TTYH3: variants seen among roughly 807,000 people sequenced by gnomAD.
The protein encoded by TTYH3 is protein tweety homolog 3.
In TTYH3, 23 loss-of-function variants were observed where a neutral mutation model predicts 68.2. That is an observed-to-expected ratio of 0.34 (90% CI 0.24 to 0.48). TTYH3 has a LOEUF of 0.48. Ranked by LOEUF, TTYH3 falls within the 20% of genes least tolerant of loss-of-function variation. TTYH3 has a pLI of 0.99. For missense variants in TTYH3, 768 were observed against 727.7 expected (o/e 1.06, Z -0.64); for synonymous variants, 360 against 332.8 (o/e 1.08, Z -0.89).
chr7:2,641,290 G>A (rs1217535766), intron 1 of TTYH3, among the ~76,000 whole-genome samples: 2 of 152,082 alleles, frequency 1.3e-5, no homozygotes, highest in Admixed American at 6.5e-5. Context: ...GGTTTTGGGG[G>A]CTGCATTTTG....
chr7:2,655,755 G>T (rs1474526052), intron 9 of TTYH3, among the ~76,000 whole-genome samples: 2 of 152,232 alleles, frequency 1.3e-5, no homozygotes, highest in Non-Finnish European at 2.9e-5. Flanking sequence ...CAAAAGCAGA[G>T]CAGGTCCGTG....
At chr7:2,660,545 G>C (rs965904550) in intron 13 of TTYH3, 1 of 985,104 alleles carries the variant, frequency 1.0e-6, no homozygotes, top group South Asian at 4.7e-5. Context: ...CGTCTGCCCC[G>C]TCCCGTCCAG....
At chr7:2,632,642 C>T (rs990656365) in intron 1 of TTYH3, among the ~76,000 whole-genome samples, 10 of 152,212 alleles carry the variant, frequency 6.6e-5, no homozygotes, top group Non-Finnish European at 1.0e-4. Flanking sequence ...TGGAGGGCCT[C>T]TCCACCATCA....
At position 2,658,455 on chromosome 7, in the gene TTYH3, T is replaced by C; in HGVS notation, c.1420T>C (p.Tyr474His). The change falls in exon 12 of 14, where the codon TAC (tyrosine) becomes CAC (histidine). Residue 474 changes from tyrosine (Y) to histidine (H), a missense_variant. Tyr to His is a moderately conservative substitution (Grantham distance 83, BLOSUM62 2). Transcript: ENST00000258796. ...HTVSNAPVTE[Y>H]MSQNANFQNP... ...CGTCAGCAACGCCCCGGTCACTGAGTACATGTGAGTTGACGTGGGCCTAGT... is the reference window on the plus strand; with the variant it reads ...CGTCAGCAACGCCCCGGTCACTGAGCACATGTGAGTTGACGTGGGCCTAGT... The C allele has an allele frequency of 6.2e-7, 1 of 1,608,656 alleles. No individual in the cohort carries two copies. The highest frequency in any genetic ancestry group is 8.5e-7 in the Non-Finnish European group (1 of 1,177,056).
At chr7:2,652,357 T>C in intron 8 of TTYH3, 115 bp downstream of exon 8, 1 of 900,906 alleles carries the variant, frequency 1.1e-6, no homozygotes, top group Non-Finnish European at 1.8e-6. Flanking sequence ...ACTGGGGAAC[T>C]GGGGGAGGGA....
intron 3 of TTYH3, 34 bp from the exon 4 acceptor site, chr7:2,647,383 GC>G: frequency 6.8e-7 from 1 of 1,463,518 alleles, no homozygotes; most frequent in Non-Finnish European, 9.0e-7. Flanking sequence ...CGAGGCGGGC[GC>G]GCTCCCAGCC....
At chr7:2,661,133 C>T (rs1032295775) in intron 13 of TTYH3, among the ~76,000 whole-genome samples, 9 of 152,306 alleles carry the variant, frequency 5.9e-5, no homozygotes, top group South Asian at 4.1e-4. Flanking sequence ...CCTTCCATGG[C>T]GTGAAGGGGC....
chr7:2,648,123 C>T (rs1583566331), intron 5 of TTYH3, 69 bp downstream of exon 5: 1 of 1,427,784 alleles, frequency 7.0e-7, no homozygotes, highest in Non-Finnish European at 9.6e-7. Context: ...CATGTTACCC[C>T]TTCCCCCACC....
chr7:2,639,993 T>C (rs933172010), intron 1 of TTYH3, among the ~76,000 whole-genome samples: 7 of 140 alleles, frequency 0.05, no homozygotes, highest in Non-Finnish European at 0.1. Context: ...GTGGTCACGC[T>C]GCCTGGCCTG....
intron 13 of TTYH3, chr7:2,660,120 C>G (rs1786452314): frequency 8.1e-7 from 1 of 1,232,422 alleles, no homozygotes; most frequent in Non-Finnish European, 1.1e-6. Context: ...CTGCCGCCCT[C>G]CCGTCGGCAC....
intron 7 of TTYH3, among the ~76,000 whole-genome samples, chr7:2,650,577 T>G (rs1230035519): frequency 2.0e-5 from 3 of 148,012 alleles, no homozygotes; most frequent in Non-Finnish European, 4.5e-5. Context: ...AAACTCCATC[T>G]CAAAAAAAAA....
At chr7:2,638,975 G>T (rs1785756036) in intron 1 of TTYH3, among the ~76,000 whole-genome samples, 1 of 152,112 alleles carries the variant, frequency 6.6e-6, no homozygotes, top group Non-Finnish European at 1.5e-5. Flanking sequence ...CCCCAAACAA[G>T]TCTGGGCCCT....
chr7:2,652,225 G>T lies in TTYH3; in HGVS notation c.910G>T (p.Ala304Ser). Residue 304 changes from alanine to serine, a missense_variant, in exon 8 of 14, where the codon GCC becomes TCC. Physicochemically the swap from Ala to Ser is moderately conservative, Grantham distance 99 (BLOSUM62 1). Transcript: ENST00000258796. ...QYYLACSPRA[A>S]NPFQQKLSGS... is the part of the protein sequence containing the mutation. ...CTACCTGGCCTGCTCGCCCCGCGCCGCCAACCCCTTCCAGCAGGTGAGAGC... is the reference window on the plus strand; with the variant it reads ...CTACCTGGCCTGCTCGCCCCGCGCCTCCAACCCCTTCCAGCAGGTGAGAGC... 6.2e-7 allele frequency: 1 copy of T among 1,612,584 alleles called. No homozygotes were observed.
In TTYH3 at chr7:2,661,820, C is replaced by G; in HGVS notation, c.*81C>G. 1.4e-6 allele frequency: 2 copies of G among 1,466,852 alleles called. No individual in the cohort carries two copies. The highest frequency in any genetic ancestry group is 1.9e-6 in the Non-Finnish European group (2 of 1,079,898). 90.9% of individuals were successfully genotyped at this position (1,466,852 alleles called of 1,614,324 possible). On this transcript the variant is annotated 3_prime_UTR_variant, in exon 14 of 14. Coordinates refer to ENST00000258796, the MANE Select transcript of TTYH3 (RefSeq NM_025250.3). The stretch of plus-strand genomic sequence containing the variant: ...CTGCCGCTTCCACCTGGGCCACCCA[C>G]CGGACCCTCGCACGCCGTGCCAGGC...
chr7:2,640,178 C>G (rs1392574290), intron 1 of TTYH3, among the ~76,000 whole-genome samples: 5 of 152,046 alleles, frequency 3.3e-5, no homozygotes, highest in African/African-American at 1.2e-4. Context: ...GTGGTGGGAT[C>G]GTGGCCACTG....
At chr7:2,651,028 T>TG (rs1440961539) in intron 7 of TTYH3, among the ~76,000 whole-genome samples, 1 of 108,192 alleles carries the variant, frequency 9.2e-6, no homozygotes, top group African/African-American at 3.6e-5. Flanking sequence ...GGTCTGGAGG[T>TG]GGGGGGCAGG....
chr7:2,659,041 TG>T (rs1339204194), intron 13 of TTYH3, 26 bp downstream of exon 13: 3 of 1,597,108 alleles, frequency 1.9e-6, no homozygotes, highest in South Asian at 1.1e-5. Context: ...GGAGGGTGGA[TG>T]GGGGGCTGCT....
intron 7 of TTYH3, among the ~76,000 whole-genome samples, chr7:2,650,777 A>T (rs1215722083): frequency 6.6e-6 from 1 of 151,870 alleles, no homozygotes; most frequent in Admixed American, 6.6e-5. Context: ...GGTCCCTTTC[A>T]AAGCTTCCTC....
In TTYH3 at chr7:2,631,994, G is replaced by A; in HGVS notation, c.-162G>A. On this transcript the variant is annotated 5_prime_UTR_variant, in exon 1 of 14. Transcript: ENST00000258796. ...CGGGCGCGGGCGGCCGAGCGGAGCC[G>A]AGCGCAGCCGAGCCGGGCCGAGCCG... The A allele has an allele frequency of 2.2e-6, 1 of 461,166 alleles. No homozygotes were observed. Among genetic ancestry groups the A allele is most frequent in the Non-Finnish European group, 2.9e-6 (1 of 349,304 alleles). 28.6% of individuals were successfully genotyped at this position (461,166 alleles called of 1,614,324 possible).
Sources: gnomAD v4.1 joint callset for allele counts (sites outside exome capture counted in the v4.1 genomes callset) on GRCh38, gnomAD v4.1.1 for gene constraint, MANE v1.5 for transcripts, NCBI Gene and HGNC (gene_info 2026-07-23, HGNC 2026-07-21) for gene names.